The following PRKCH variants were observed in gnomAD, a reference collection of about 807,000 sequenced individuals.
The protein encoded by PRKCH is protein kinase C eta type.
PRKCH carries 28 observed loss-of-function variants against 82.5 expected under a neutral mutation model. The ratio of observed to expected loss-of-function variants is 0.34; its 90% CI spans 0.25 to 0.47. PRKCH has a LOEUF of 0.47. Among genes scored for constraint, PRKCH ranks in the 20% least tolerant of loss-of-function variants. PRKCH has a pLI of 1.00. For synonymous variants in PRKCH, 322 were observed against 327.4 expected, an observed-to-expected ratio of 0.98 and a Z score of 0.18; for missense variants, 705 against 881.8, an observed-to-expected ratio of 0.80 and a Z score of 2.54.
At chr14:61,200,136 A>G (rs989845243) in intron 1 of PRKCH, among the ~76,000 whole-genome samples, 2 of 152,186 alleles carry the variant, frequency 1.3e-5, no homozygotes, top group African/African-American at 4.8e-5. Context: ...CCTTTCTGCA[A>G]GTGGAGGGTG....
chr14:61,216,168 A>T (rs1052279877), intron 1 of PRKCH, among the ~76,000 whole-genome samples: 6 of 152,264 alleles, frequency 3.9e-5, no homozygotes, highest in African/African-American at 1.4e-4. Context: ...GGGGATAAAA[A>T]AATTAAAAAA....
intron 1 of PRKCH, among the ~76,000 whole-genome samples, chr14:61,259,881 G>T (rs2045031273): frequency 6.6e-6 from 1 of 152,182 alleles, no homozygotes; most frequent in Admixed American, 6.5e-5. Flanking sequence ...TGTTAAAGAT[G>T]ATGTGAGAAT....
intron 12 of PRKCH, among the ~76,000 whole-genome samples, 199 bp from the exon 13 acceptor site, chr14:61,547,544 C>A (rs59977792): frequency 0.02 from 2,981 of 152,282 alleles, 110 homozygotes; most frequent in African/African-American, 0.069. Flanking sequence ...TGGGAAAAGC[C>A]ATAAATCCAC....
chr14:61,310,042 C>T (rs894153504), intron 1 of PRKCH, among the ~76,000 whole-genome samples: 28 of 152,146 alleles, frequency 1.8e-4, no homozygotes, highest in Middle Eastern at 3.2e-3. Context: ...GCCCCCCCTC[C>T]GTGATCCAAT....
At chr14:61,406,191 T>C (rs1406717574) in intron 2 of PRKCH, among the ~76,000 whole-genome samples, 1 of 99,648 alleles carries the variant, frequency 1.0e-5, no homozygotes, top group Non-Finnish European at 2.6e-5. Context: ...GAAAAACACA[T>C]ACAGGAAAAA....
intron 9 of PRKCH, 33 bp from the exon 10 acceptor site, chr14:61,485,469 C>T: frequency 1.2e-6 from 2 of 1,607,016 alleles, no homozygotes; most frequent in Non-Finnish European, 8.5e-7. Context: ...AATTGCTACA[C>T]CACATTGGGC....
chr14:61,412,210 A>C (rs922515797), intron 2 of PRKCH, among the ~76,000 whole-genome samples: 1 of 152,258 alleles, frequency 6.6e-6, no homozygotes, highest in Admixed American at 6.5e-5. Context: ...CAAATCAACC[A>C]ATCAAAACTG....
intron 1 of PRKCH, among the ~76,000 whole-genome samples, chr14:61,329,308 C>T (rs933154739): frequency 7.3e-6 from 1 of 136,500 alleles, no homozygotes; most frequent in Non-Finnish European, 1.5e-5. Context: ...ACGATCTCGG[C>T]TCACTTCAAC....
At chr14:61,237,913 T>C (rs1594867741) in intron 1 of PRKCH, among the ~76,000 whole-genome samples, 1 of 152,370 alleles carries the variant, frequency 6.6e-6, no homozygotes, top group African/African-American at 2.4e-5. Flanking sequence ...TTGTCTTAGA[T>C]ACTTTTTGGT....
intron 2 of PRKCH, among the ~76,000 whole-genome samples, chr14:61,423,743 A>G (rs10144584): frequency 0.014 from 2,088 of 152,318 alleles, 39 homozygotes; most frequent in African/African-American, 0.047. Context: ...AGGTGGGGCT[A>G]TAATACAGTT....
At chr14:61,294,376 T>C (rs2045389817) in intron 1 of PRKCH, among the ~76,000 whole-genome samples, 1 of 152,150 alleles carries the variant, frequency 6.6e-6, no homozygotes, top group East Asian at 1.9e-4. Flanking sequence ...CGCCTCGGCC[T>C]CCCAAAGTGT....
At chr14:61,279,860 T>G in intron 1 of PRKCH, 1 of 537,636 alleles carries the variant, frequency 1.9e-6, no homozygotes, top group Non-Finnish European at 3.3e-6. Flanking sequence ...GTGAAGGAGG[T>G]GGGAAGAGTT....
chr14:61,396,044 C>T (rs1437511948), intron 2 of PRKCH, among the ~76,000 whole-genome samples: 1 of 147,194 alleles, frequency 6.8e-6, no homozygotes, highest in Non-Finnish European at 1.5e-5. Flanking sequence ...AGTGCCACTG[C>T]ACTCCAGCTT....
intron 1 of PRKCH, among the ~76,000 whole-genome samples, chr14:61,311,637 G>A (rs184267415): frequency 3.0e-4 from 45 of 152,312 alleles, no homozygotes; most frequent in African/African-American, 1.1e-3. Context: ...TACTGTATTA[G>A]TCTGTTTTCA....
At chr14:61,530,327 C>A (rs1036658695) in intron 11 of PRKCH, 80 bp from the exon 12 acceptor site, 7 of 1,349,830 alleles carry the variant, frequency 5.2e-6, no homozygotes, top group African/African-American at 1.5e-5. Flanking sequence ...TTTCCTAATG[C>A]ATCAATTTCC....
intron 1 of PRKCH, among the ~76,000 whole-genome samples, chr14:61,359,816 T>C (rs1165555981): frequency 6.6e-6 from 1 of 152,240 alleles, no homozygotes; most frequent in East Asian, 1.9e-4. Flanking sequence ...ATTAAGTTCA[T>C]CAATTATATT....
At chr14:61,278,399 G>C (rs141921436) in intron 1 of PRKCH, 1 of 152,156 alleles carries the variant, frequency 6.6e-6, no homozygotes, top group African/African-American at 2.4e-5. Flanking sequence ...AGAATCTCTC[G>C]AATCAGGATT....
chr14:61,417,010 T>G (rs1442164922), intron 2 of PRKCH, among the ~76,000 whole-genome samples: 1 of 152,150 alleles, frequency 6.6e-6, no homozygotes, highest in Non-Finnish European at 1.5e-5. Flanking sequence ...CCAACATTGT[T>G]TTAACACTTA....
At chr14:61,459,011 T>G (rs1316099470) in intron 9 of PRKCH, among the ~76,000 whole-genome samples, 3 of 152,138 alleles carry the variant, frequency 2.0e-5, no homozygotes, top group Non-Finnish European at 4.4e-5. Context: ...TGGCAGACCA[T>G]GATTGGTTCA....
Sources: gnomAD v4.1 joint callset for allele counts (sites outside exome capture counted in the v4.1 genomes callset) on GRCh38, gnomAD v4.1.1 for gene constraint, MANE v1.5 for transcripts, NCBI Gene and HGNC (gene_info 2026-07-23, HGNC 2026-07-21) for gene names.